MADD: variants seen among roughly 807,000 people sequenced by gnomAD.
MADD encodes the protein MAP kinase activating death domain, also known as MAP kinase-activating death domain protein.
Under a neutral mutation model 176.7 loss-of-function variants are expected in MADD, and 109 were observed. That is an observed-to-expected ratio of 0.62 (90% CI 0.53 to 0.72). The LOEUF (loss-of-function observed/expected upper bound fraction) is 0.72, where lower values mean the gene tolerates loss of function less well. MADD is among the 30% of genes least tolerant of loss of function. The pLI is 0.00. For synonymous variants in MADD, 771 were observed against 771.3 expected (o/e 1.00, Z 0.01); for missense variants, 1,914 against 2,045.5 (o/e 0.94, Z 1.24).
intron 22 of MADD, among the ~76,000 whole-genome samples, chr11:47,306,110 G>A (rs1470266786): frequency 6.6e-6 from 1 of 152,154 alleles, no homozygotes; most frequent in African/African-American, 2.4e-5. Flanking sequence ...CACCAGGGAG[G>A]CCTGACTGCT....
intron 22 of MADD, among the ~76,000 whole-genome samples, chr11:47,300,039 GT>G (rs2076408168): frequency 6.6e-6 from 1 of 152,064 alleles, no homozygotes; most frequent in Admixed American, 6.6e-5. Flanking sequence ...GACTTTTATT[GT>G]TTTGAGGTAT....
At chr11:47,290,903 C>G in intron 19 of MADD, 87 bp downstream of exon 20, 1 of 1,106,414 alleles carries the variant, frequency 9.0e-7, no homozygotes, top group Non-Finnish European at 1.3e-6. Context: ...TCCTGCCTTT[C>G]TCTGCCCCAT....
chr11:47,324,174 C>A, intron 28 of MADD, 91 bp from the exon 32 acceptor site: 1 of 1,191,206 alleles, frequency 8.4e-7, no homozygotes, highest in Non-Finnish European at 1.2e-6. Context: ...CCCCTCACTT[C>A]AACCTCCAGC....
chr11:47,289,611 A>G (rs986446355), intron 16 of MADD, 118 bp downstream of exon 17: 10 of 899,868 alleles, frequency 1.1e-5, no homozygotes, highest in Non-Finnish European at 1.6e-5. Flanking sequence ...GATGTAATCA[A>G]TTTCTTGCCA....
At chr11:47,311,208 C>G (rs1396553779) in intron 25 of MADD, among the ~76,000 whole-genome samples, 2 of 152,140 alleles carry the variant, frequency 1.3e-5, no homozygotes, top group East Asian at 3.9e-4. Flanking sequence ...GTGAAGGGAT[C>G]AGTTGATCAA....
intron 32 of MADD, among the ~76,000 whole-genome samples, 156 bp downstream of exon 36, chr11:47,328,860 C>A (rs1282051140): frequency 6.6e-6 from 1 of 152,132 alleles, no homozygotes; most frequent in Non-Finnish European, 1.5e-5. Flanking sequence ...AGGTCTTGAG[C>A]CCTGAGAGAC....
intron 4 of MADD, 127 bp downstream of exon 4, chr11:47,276,329 A>G (rs1260239449): frequency 1.1e-6 from 1 of 871,286 alleles, no homozygotes; most frequent in African/African-American, 1.7e-5. Flanking sequence ...AGGTAACATG[A>G]TGCCTGGTAA....
chr11:47,273,500 G>A (rs1198294422), intron 1 of MADD, among the ~76,000 whole-genome samples: 4 of 152,102 alleles, frequency 2.6e-5, no homozygotes, highest in Non-Finnish European at 5.9e-5. Flanking sequence ...CACCACACCC[G>A]GCTAATTTTT....
chr11:47,304,252 C>T (rs191567281), intron 22 of MADD, among the ~76,000 whole-genome samples: 249 of 146,280 alleles, frequency 1.7e-3, no homozygotes, highest in African/African-American at 5.6e-3. Context: ...TTTTTTGAGA[C>T]GGAGTTTCGC....
At chr11:47,278,514 C>T (rs1203128017) in intron 6 of MADD, among the ~76,000 whole-genome samples, 1 of 152,024 alleles carries the variant, frequency 6.6e-6, no homozygotes. Context: ...ATTAAGTGAC[C>T]CCCCACCATA....
At chr11:47,273,760 A>C in intron 1 of MADD, 67 bp from the exon 2 acceptor site, 1 of 603,234 alleles carries the variant, frequency 1.7e-6, no homozygotes, top group Non-Finnish European at 3.0e-6. Flanking sequence ...CTGGCCGGGA[A>C]GAAGTTGAGA....
At chr11:47,273,419 G>C (rs1323057741) in intron 1 of MADD, among the ~76,000 whole-genome samples, 3 of 151,940 alleles carry the variant, frequency 2.0e-5, no homozygotes, top group Non-Finnish European at 4.4e-5. Flanking sequence ...GCTCACCACA[G>C]CCTCCACCTC....
chr11:47,316,792 G>A lies in MADD; in HGVS notation c.4197+1465G>A, dbSNP rs145490181. Among the ~76,000 whole-genome samples, 570 of 151,944 alleles carry A rather than the reference G, an allele frequency of 3.8e-3. 7 individuals carry two copies. The highest frequency in any genetic ancestry group is 4.0e-3 in the Non-Finnish European group (270 of 67,978). On this transcript the variant is annotated intron_variant, in intron 27 of 32. Transcript: ENST00000402192. ...AGAGTGTTGCTCTTTTGCTCAGGCT[G>A]GAGTGCAGTGGTCCAAACTCAGCTC... is the stretch of plus-strand genomic sequence containing the variant.
At chr11:47,296,764 G>GTTTTTTTTTTTTT (rs753454831) in intron 22 of MADD, among the ~76,000 whole-genome samples, 4 of 116,916 alleles carry the variant, frequency 3.4e-5, no homozygotes, top group South Asian at 2.7e-4. Context: ...GTTTTTTGTT[G>GTTTTTTTTTTTTT]TTTTTTTTTT....
At chr11:47,288,904 C>A in intron 15 of MADD, 64 bp from the exon 16 acceptor site, 1 of 1,178,544 alleles carries the variant, frequency 8.5e-7, no homozygotes, top group South Asian at 1.3e-5. Context: ...CTTACTGCTC[C>A]TCGGAGGGGT....
chr11:47,281,498 G>A (rs41299181), intron 7 of MADD, 77 bp from the exon 8 acceptor site: 54,507 of 1,201,784 alleles, frequency 0.045, 1,464 homozygotes, highest in Non-Finnish European at 0.052. Context: ...CCTTAGGAAG[G>A]CCTTTTCCTT....
chr11:47,277,956 T>A (rs1205481370), intron 5 of MADD, among the ~76,000 whole-genome samples: 3 of 152,238 alleles, frequency 2.0e-5, no homozygotes, highest in Non-Finnish European at 4.4e-5. Context: ...AAAGTGAAAC[T>A]GTGGATAAGA....
intron 5 of MADD, 58 bp downstream of exon 5, chr11:47,276,921 T>TA: frequency 2.5e-6 from 4 of 1,593,912 alleles, no homozygotes; most frequent in Non-Finnish European, 3.4e-6. Flanking sequence ...GGAGGAGGCT[T>TA]AATGCTCAAA....
At chr11:47,328,751 C>T in intron 32 of MADD, 47 bp downstream of exon 36, 3 of 1,612,432 alleles carry the variant, frequency 1.9e-6, no homozygotes, top group Non-Finnish European at 2.5e-6. Context: ...GCAGGGCTCC[C>T]TGGGGGACCT....
Sources: gnomAD v4.1 joint callset for allele counts (sites outside exome capture counted in the v4.1 genomes callset) on GRCh38, gnomAD v4.1.1 for gene constraint, MANE v1.5 for transcripts, NCBI Gene and HGNC (gene_info 2026-07-23, HGNC 2026-07-21) for gene names.